Variants in PCCA observed in about 807,000 individuals in gnomAD.
PCCA encodes the protein propionyl-CoA carboxylase alpha chain, mitochondrial.
A neutral mutation model predicts 101.3 loss-of-function variants in PCCA; 74 were observed. The ratio of observed to expected loss-of-function variants is 0.73; its 90% CI spans 0.61 to 0.89. PCCA has a LOEUF of 0.89. Ranked by LOEUF, PCCA falls within the 40% of genes least tolerant of loss-of-function variation. The pLI is 0.00. For synonymous variants in PCCA, 294 were observed against 313.6 expected, an observed-to-expected ratio of 0.94 and a Z score of 0.66; for missense variants, 891 against 907.0, an observed-to-expected ratio of 0.98 and a Z score of 0.23.
chr13:100,278,594 C>T (rs1306566265), intron 12 of PCCA, among the ~76,000 whole-genome samples: 1 of 152,030 alleles, frequency 6.6e-6, no homozygotes, highest in African/African-American at 2.4e-5. Context: ...ATTCTCCTGC[C>T]TTAGCCTCCA....
chr13:100,523,129 A>G (rs755916135), intron 22 of PCCA, among the ~76,000 whole-genome samples: 37 of 152,106 alleles, frequency 2.4e-4, no homozygotes, highest in Non-Finnish European at 5.0e-4. Flanking sequence ...CTGTCTTAGC[A>G]TGTTTTCTGA....
At chr13:100,435,537 T>C (rs955060012) in intron 20 of PCCA, among the ~76,000 whole-genome samples, 2 of 152,242 alleles carry the variant, frequency 1.3e-5, no homozygotes, top group Non-Finnish European at 2.9e-5. Flanking sequence ...TGTATTCATG[T>C]TCCTGGTTTT....
intron 21 of PCCA, among the ~76,000 whole-genome samples, chr13:100,472,098 G>A (rs527372580): frequency 6.6e-6 from 1 of 152,134 alleles, no homozygotes; most frequent in African/African-American, 2.4e-5. Context: ...CCTGCTGATG[G>A]GGCTGCGTTC....
chr13:100,440,674 C>G (rs1450961255), intron 20 of PCCA, among the ~76,000 whole-genome samples: 1 of 151,110 alleles, frequency 6.6e-6, no homozygotes, highest in African/African-American at 2.4e-5. Flanking sequence ...AAAAATGTTC[C>G]CCCCACCCCC....
chr13:100,193,535 G>C (rs955140740), intron 6 of PCCA, among the ~76,000 whole-genome samples: 2 of 152,136 alleles, frequency 1.3e-5, no homozygotes, highest in African/African-American at 4.8e-5. Flanking sequence ...CTTTTAAATA[G>C]TATGAAATAA....
intron 8 of PCCA, among the ~76,000 whole-genome samples, chr13:100,250,437 A>G (rs1476082321): frequency 6.6e-6 from 1 of 151,984 alleles, no homozygotes; most frequent in African/African-American, 2.4e-5. Flanking sequence ...AATTCTTTTT[A>G]TATATTATTG....
chr13:100,209,605 T>G (rs550349131), intron 7 of PCCA, 142 bp downstream of exon 7: 57 of 657,452 alleles, frequency 8.7e-5, no homozygotes, highest in South Asian at 1.7e-4. Context: ...CATGTATATA[T>G]GTTTAAAAAA....
chr13:100,130,373 G>A (rs936930395), intron 4 of PCCA, among the ~76,000 whole-genome samples: 4 of 152,210 alleles, frequency 2.6e-5, no homozygotes, highest in African/African-American at 7.2e-5. Flanking sequence ...GATGGCAGTG[G>A]TGGATTTATA....
intron 6 of PCCA, among the ~76,000 whole-genome samples, chr13:100,178,814 A>G (rs890791446): frequency 6.6e-6 from 1 of 152,128 alleles, no homozygotes; most frequent in Admixed American, 6.5e-5. Context: ...GCGGTGGCTC[A>G]TGCCTGTAAT....
chr13:100,364,585 A>G (rs1463899411), intron 18 of PCCA, among the ~76,000 whole-genome samples: 1 of 152,212 alleles, frequency 6.6e-6, no homozygotes, highest in Non-Finnish European at 1.5e-5. Flanking sequence ...TAAAAACCCA[A>G]ACAAAACTAG....
chr13:100,469,398 G>T (rs2082805690), intron 21 of PCCA, among the ~76,000 whole-genome samples: 1 of 152,038 alleles, frequency 6.6e-6, no homozygotes, highest in Non-Finnish European at 1.5e-5. Flanking sequence ...AACATGACAA[G>T]GTGGGTCTCA....
chr13:100,422,645 A>G (rs574727732), intron 19 of PCCA, among the ~76,000 whole-genome samples: 1 of 152,050 alleles, frequency 6.6e-6, no homozygotes, highest in Admixed American at 6.5e-5. Flanking sequence ...TTGGTTTTAT[A>G]TTGTTAGTCT....
At chr13:100,114,519 A>T (rs892801991) in intron 4 of PCCA, among the ~76,000 whole-genome samples, 1 of 152,180 alleles carries the variant, frequency 6.6e-6, no homozygotes, top group African/African-American at 2.4e-5. Context: ...AGAAGCTTGA[A>T]CCTGGGAGGT....
intron 21 of PCCA, chr13:100,491,701 C>G: frequency 7.7e-7 from 1 of 1,302,876 alleles, no homozygotes; most frequent in Non-Finnish European, 1.0e-6. Context: ...GAAGGTGCTG[C>G]GGCCTGGTGG....
At chr13:100,364,263 T>C (rs1889681) in intron 18 of PCCA, among the ~76,000 whole-genome samples, 111,210 of 152,112 alleles carry the variant, frequency 0.73, 41,051 homozygotes, top group Middle Eastern at 0.81. Context: ...GACCTTTTCC[T>C]TATTGTCAGA....
At chr13:100,273,599 T>G (rs1055138997) in intron 12 of PCCA, among the ~76,000 whole-genome samples, 3 of 152,202 alleles carry the variant, frequency 2.0e-5, no homozygotes, top group Admixed American at 6.5e-5. Flanking sequence ...TCTTGAACCT[T>G]TCTAGATGAA....
intron 18 of PCCA, among the ~76,000 whole-genome samples, chr13:100,363,546 T>C (rs1336374068): frequency 6.6e-6 from 1 of 152,178 alleles, no homozygotes; most frequent in Non-Finnish European, 1.5e-5. Flanking sequence ...CTGAAGGCCT[T>C]TTTCTTCCTG....
chr13:100,413,627 A>G (rs1239171918), intron 19 of PCCA, among the ~76,000 whole-genome samples: 2 of 152,162 alleles, frequency 1.3e-5, no homozygotes, highest in Non-Finnish European at 2.9e-5. Context: ...ATTATGTACT[A>G]GGTGCTGTTC....
At position 100,468,185 on chromosome 13, in the gene PCCA, T is replaced by C. The variant is rs183109955; in HGVS notation, c.1899+18880T>C. 1.3e-4 allele frequency among the ~76,000 whole-genome samples: 20 copies of C among 152,326 alleles called. No homozygotes were observed. The East Asian group carries it at 3.7e-3, about 28-fold the overall frequency. On this transcript the variant is annotated intron_variant, in intron 21 of 23. Coordinates refer to ENST00000376285, the MANE Select transcript of PCCA (RefSeq NM_000282.4). ...CAGGTTTTAAATATTCAGTAAACCA[T>C]GCCCTAAACAGATGTGCTGTCATCC...
Sources: gnomAD v4.1 joint callset for allele counts (sites outside exome capture counted in the v4.1 genomes callset) on GRCh38, gnomAD v4.1.1 for gene constraint, MANE v1.5 for transcripts, NCBI Gene and HGNC (gene_info 2026-07-23, HGNC 2026-07-21) for gene names.